RSBN1: variants seen among roughly 807,000 people sequenced by gnomAD.
RSBN1 encodes round spermatid basic protein 1.
RSBN1 carries 23 observed loss-of-function variants against 74.8 expected under a neutral mutation model. That is an observed-to-expected ratio of 0.31 (90% CI 0.22 to 0.44). The LOEUF (loss-of-function observed/expected upper bound fraction) is 0.44. Ranked by LOEUF, RSBN1 falls within the 20% of genes least tolerant of loss-of-function variation. The probability of loss-of-function intolerance (pLI) is 1.00; values close to 1 mark genes in which losing one functional copy is unlikely to be tolerated. For synonymous variants in RSBN1, 407 were observed against 379.6 expected (o/e 1.07, Z -0.84); for missense variants, 808 against 1,020.9 (o/e 0.79, Z 2.84).
chr1:113,794,301 C>T (rs182220488), intron 2 of RSBN1, among the ~76,000 whole-genome samples: 1 of 152,306 alleles, frequency 6.6e-6, no homozygotes, highest in East Asian at 1.9e-4. Flanking sequence ...TCCTGCACCA[C>T]CAATTCCATC....
intron 1 of RSBN1, among the ~76,000 whole-genome samples, chr1:113,802,242 C>T (rs1660599924): frequency 6.6e-6 from 1 of 151,598 alleles, no homozygotes; most frequent in Non-Finnish European, 1.5e-5. Context: ...AGGCATAAGC[C>T]ACCATGCCCG....
chr1:113,777,639 T>A, intron 3 of RSBN1, 32 bp downstream of exon 3: 1 of 1,587,236 alleles, frequency 6.3e-7, no homozygotes, highest in Non-Finnish European at 8.6e-7. Context: ...TAAGTAAAGA[T>A]CAAAACTTTA....
chr1:113,791,937 C>T (rs1330480926), intron 2 of RSBN1, among the ~76,000 whole-genome samples: 1 of 152,064 alleles, frequency 6.6e-6, no homozygotes, highest in Non-Finnish European at 1.5e-5. Flanking sequence ...GATCAGAGTG[C>T]ATATAACAAG....
At position 113,766,446 on chromosome 1, in the gene RSBN1, T is replaced by C; in HGVS notation, c.1943A>G (p.Gln648Arg). ...GTTTAGTTTAGCTTCATCTACCCAC[T>C]GTACGCACTGAAGAAAGAAAAAAGT... ...LHEPPVSQCV[Q>R]WVDEAKLNQM... The change falls in exon 7 of 7, where the codon CAG (glutamine) becomes CGG (arginine). Residue 648 changes from glutamine to arginine, a missense_variant. This residue lies in a region of RSBN1 where 38 missense variants were observed against 120.6 expected (regional missense o/e 0.32). Transcript: ENST00000261441. 1 of 1,596,170 alleles carries C rather than the reference T, an allele frequency of 6.3e-7. No individual in the cohort carries two copies. Among genetic ancestry groups the C allele is most frequent in the Non-Finnish European group, 8.6e-7 (1 of 1,167,548 alleles).
At chr1:113,802,115 C>T (rs564188890) in intron 1 of RSBN1, among the ~76,000 whole-genome samples, 1 of 152,160 alleles carries the variant, frequency 6.6e-6, no homozygotes, top group South Asian at 2.1e-4. Flanking sequence ...TCACCATGCC[C>T]AGCTAATTCT....
At chr1:113,769,382 C>T (rs145898666) in intron 4 of RSBN1, among the ~76,000 whole-genome samples, 1 of 151,812 alleles carries the variant, frequency 6.6e-6, no homozygotes, top group Non-Finnish European at 1.5e-5. Context: ...AACCAGGCAT[C>T]CATGTTATCT....
chr1:113,764,192 T>C lies in RSBN1; in HGVS notation c.*1788A>G, dbSNP rs1659738223. ...AAACTGGAATTTACCCTAGAATTTA[T>C]ACCCAAGATTTAAAAACACCCCTGC... is the stretch of plus-strand genomic sequence containing the variant. On this transcript the variant is annotated 3_prime_UTR_variant, in exon 7 of 7. Coordinates refer to ENST00000261441, the MANE Select transcript of RSBN1 (RefSeq NM_018364.5). 1.3e-5 allele frequency: 2 copies of C among 152,796 alleles called. No individual in the cohort carries two copies. Among genetic ancestry groups the C allele is most frequent in the Admixed American group, 6.5e-5 (1 of 15,276 alleles). 9.5% of individuals were successfully genotyped at this position (152,796 alleles called of 1,614,324 possible).
intron 2 of RSBN1, among the ~76,000 whole-genome samples, chr1:113,788,956 G>A (rs566362260): frequency 3.2e-4 from 48 of 151,928 alleles, no homozygotes; most frequent in African/African-American, 1.1e-3. Context: ...CAACCTCAAT[G>A]TCCAAGAATA....
chr1:113,799,620 A>C (rs1219440158), intron 1 of RSBN1, among the ~76,000 whole-genome samples: 1 of 151,746 alleles, frequency 6.6e-6, no homozygotes, highest in Non-Finnish European at 1.5e-5. Context: ...ACAGAAAAAT[A>C]TCTGGAGAAA....
At chr1:113,811,225 C>T (rs1040363666) in intron 1 of RSBN1, among the ~76,000 whole-genome samples, 1 of 152,150 alleles carries the variant, frequency 6.6e-6, no homozygotes, top group African/African-American at 2.4e-5. Context: ...GATATTTTAC[C>T]TTGCAGAAGC....
chr1:113,786,067 C>A (rs1191820340), intron 2 of RSBN1, among the ~76,000 whole-genome samples: 1 of 151,972 alleles, frequency 6.6e-6, no homozygotes, highest in Non-Finnish European at 1.5e-5. Flanking sequence ...TTAGGCTAAG[C>A]TAATAACTTG....
chr1:113,798,076 A>T, intron 1 of RSBN1, 40 bp from the exon 2 acceptor site: 3 of 1,526,670 alleles, frequency 2.0e-6, no homozygotes, highest in Non-Finnish European at 2.7e-6. Context: ...TGCTAGGACT[A>T]GTGTCAACAT....
chr1:113,785,028 GACTCTTGTAATAAC>G (rs58425064), intron 2 of RSBN1, among the ~76,000 whole-genome samples: 65,470 of 151,468 alleles, frequency 0.43, 14,942 homozygotes, highest in East Asian at 0.84. Flanking sequence ...TTAATTCTTT[GACTCTTGTAATAAC>G]ACATAGTTTA....
At chr1:113,802,826 G>C (rs1051555556) in intron 1 of RSBN1, among the ~76,000 whole-genome samples, 3 of 151,944 alleles carry the variant, frequency 2.0e-5, no homozygotes, top group African/African-American at 7.3e-5. Flanking sequence ...TGTTACAACT[G>C]ATAAGTCTAC....
rs1660876023 is a variant in RSBN1, at chr1:113,812,105, G to A, written c.308C>T (p.Pro103Leu). ...GGGAGCGAGAGGGGGCTCCTGGCTC[G>A]GCCGCCCCCGCTTCTCCTGAGACCC... The part of the protein sequence containing the change: ...SGGSQEKRGR[P>L]SQEPPLAPPH... Residue 103 changes from proline to leucine, a missense_variant, in exon 1 of 7, where the codon CCG becomes CTG. Physicochemically the swap from Pro to Leu is moderately conservative, Grantham distance 98. Coordinates refer to ENST00000261441, the MANE Select transcript of RSBN1 (RefSeq NM_018364.5). 1 of 1,598,232 alleles carries A rather than the reference G, an allele frequency of 6.3e-7. No homozygotes were observed. Among genetic ancestry groups the A allele is most frequent in the Non-Finnish European group, 8.5e-7 (1 of 1,173,520 alleles).
chr1:113,767,186 G>A lies in RSBN1; in HGVS notation c.1848C>T (p.Thr616=), dbSNP rs368916124. ...CAGCATGAAAACAAATCACATCTTT[G>A]GTTATGCGAGGTTGGTCACTCCTAA... ...FGEWSDQPRI[T]KDVICFHAED... The change falls in exon 6 of 7, where the codon ACC becomes ACT. Residue 616 remains threonine (T), a synonymous_variant. Transcript: ENST00000261441. The A allele has an allele frequency of 6.2e-7, 1 of 1,609,280 alleles. No individual in the cohort carries two copies. The highest frequency in any genetic ancestry group is 2.2e-5 in the East Asian group (1 of 44,726).
At chr1:113,805,070 A>G (rs948808640) in intron 1 of RSBN1, among the ~76,000 whole-genome samples, 14 of 152,152 alleles carry the variant, frequency 9.2e-5, no homozygotes, top group Non-Finnish European at 1.9e-4. Context: ...AAGAATAATT[A>G]AAAAGAAGCA....
In RSBN1 at chr1:113,766,084, G is replaced by A. The variant is rs138634440; in HGVS notation, c.2305C>T (p.Gln769Ter). 4.3e-6 allele frequency: 7 copies of A among 1,613,940 alleles called. No homozygotes were observed. The highest frequency in any genetic ancestry group is 4.0e-5 in the African/African-American group (3 of 74,928). The change falls in exon 7 of 7, where the codon CAG becomes TAG. Residue 769 changes from glutamine to a stop codon, truncating the protein, a stop_gained. Transcript: ENST00000261441. LOFTEE classifies it high-confidence loss of function. Reference protein sequence around the residue: ...SFPPASELNLQQDQKTQPIPV... With the variant: ...SFPPASELNL ...ATAGGCTGAGTCTTCTGATCTTGCT[G>A]TAGATTAAGTTCTGATGCAGGTGGG... is the stretch of plus-strand genomic sequence containing the variant.
Position 113,766,242 on chromosome 1 carries a change from C to T in RSBN1, c.2147G>A (p.Ser716Asn), listed in dbSNP as rs774629446. 5 of 1,613,978 alleles carry T rather than the reference C, an allele frequency of 3.1e-6. No homozygotes were observed. The African/African-American group carries it at 6.7e-5, about 22-fold the overall frequency. ...PVVEATQNTE[S>N]NSNMDCGLTG... ...TAAACCACAGTCCATGTTAGAATTG[C>T]TTTCTGTGTTTTGAGTGGCTTCCAC... Residue 716 changes from serine (S) to asparagine (N), a missense_variant, in exon 7 of 7, where the codon AGC (serine) becomes AAC (asparagine). Physicochemically the swap from Ser to Asn is conservative, Grantham distance 46. Transcript: ENST00000261441.
Sources: gnomAD v4.1 joint callset for allele counts (sites outside exome capture counted in the v4.1 genomes callset) on GRCh38, gnomAD v4.1.1 for gene constraint, gnomAD v4.1.1 regional missense constraint, MANE v1.5 for transcripts, NCBI Gene and HGNC (gene_info 2026-07-23, HGNC 2026-07-21) for gene names.